Variants in FGD4 observed in about 807,000 individuals in gnomAD.
FGD4 encodes the protein FYVE, RhoGEF and PH domain containing 4.
A neutral mutation model predicts 102.0 loss-of-function variants in FGD4; 42 were observed. That is an observed-to-expected ratio of 0.41 (90% CI 0.32 to 0.53). The LOEUF (loss-of-function observed/expected upper bound fraction) is 0.53. Among genes scored for constraint, FGD4 ranks in the 20% least tolerant of loss-of-function variants. The pLI is 0.21. For synonymous variants in FGD4, 380 were observed against 375.7 expected, an observed-to-expected ratio of 1.01 and a Z score of -0.13; for missense variants, 902 against 1,078.2, an observed-to-expected ratio of 0.84 and a Z score of 2.29.
At chr12:32,597,316 G>A (rs1180733621) in intron 4 of FGD4, among the ~76,000 whole-genome samples, 1 of 152,306 alleles carries the variant, frequency 6.6e-6, no homozygotes, top group South Asian at 2.1e-4. Flanking sequence ...AGAGCTTAAA[G>A]GATGAATGCT....
chr12:32,461,422 C>T (rs999657347), intron 1 of FGD4, among the ~76,000 whole-genome samples: 2 of 152,160 alleles, frequency 1.3e-5, no homozygotes, highest in African/African-American at 2.4e-5. Context: ...TACCACAATG[C>T]TTAAGAGGCT....
At chr12:32,548,269 G>T (rs1325566431) in intron 1 of FGD4, among the ~76,000 whole-genome samples, 1 of 152,148 alleles carries the variant, frequency 6.6e-6, no homozygotes, top group Non-Finnish European at 1.5e-5. Context: ...TCAATGTGAA[G>T]TCAAGTTTCT....
intron 1 of FGD4, among the ~76,000 whole-genome samples, chr12:32,470,968 T>C (rs574627458): frequency 6.6e-6 from 1 of 152,348 alleles, no homozygotes; most frequent in Admixed American, 6.5e-5. Flanking sequence ...TTTGTTGTTT[T>C]CTGTTGAAAA....
chr12:32,490,958 T>C (rs187180117), intron 1 of FGD4, among the ~76,000 whole-genome samples: 57 of 152,228 alleles, frequency 3.7e-4, no homozygotes, highest in African/African-American at 1.3e-3. Flanking sequence ...CAGTATCCGA[T>C]ATGTTTTGTA....
rs976503650 is a variant in FGD4, at chr12:32,644,375, TAAAA to T, written c.*3845_*3848del. 1.3e-5 allele frequency: 2 copies of T among 152,264 alleles called. No individual in the cohort carries two copies. Among genetic ancestry groups the T allele is most frequent in the African/African-American group, 4.8e-5 (2 of 41,564 alleles). The allele number at this position is 152,264 out of a possible 1,614,324, so 9.4% of individuals were successfully genotyped here. A position where few individuals can be genotyped will look rare whatever the true frequency, so the allele number is the denominator to read the frequency against. The stretch of plus-strand genomic sequence containing the variant: ...ATACATAAAGACCACTAGGTCAACT[TAAAA>T]AACCCTTTCTGTGAATTTATACATG... On this transcript the variant is annotated 3_prime_UTR_variant, in exon 17 of 17. Transcript: ENST00000534526.
chr12:32,437,709 A>G (rs750895493), intron 1 of FGD4, among the ~76,000 whole-genome samples: 14 of 150,068 alleles, frequency 9.3e-5, no homozygotes, highest in African/African-American at 1.5e-4. Context: ...TTTCATTTTT[A>G]GTAAAAGCAA....
intron 1 of FGD4, among the ~76,000 whole-genome samples, chr12:32,431,132 A>G (rs1288313803): frequency 6.6e-6 from 1 of 152,228 alleles, no homozygotes; most frequent in Non-Finnish European, 1.5e-5. Flanking sequence ...AAAGGAATAG[A>G]AAATTAAAAA....
chr12:32,434,974 C>CT (rs996777673), intron 1 of FGD4, among the ~76,000 whole-genome samples: 23 of 147,088 alleles, frequency 1.6e-4, no homozygotes, highest in African/African-American at 2.5e-4. Flanking sequence ...TCTTTTCTTT[C>CT]TTTTTTTTGC....
In FGD4 at chr12:32,474,060, C is replaced by T. The variant is rs147911515; in HGVS notation, c.166+74101C>T. ...CTGAGAGCGCGCCACTGCACTCCAG[C>T]CTGGGTGACAGTGCGAGACTCTGTC... On this transcript the variant is annotated intron_variant, in intron 1 of 16. Coordinates refer to ENST00000534526, the MANE Select transcript of FGD4 (RefSeq NM_001370298.3). Among the ~76,000 whole-genome samples the T allele has an allele frequency of 2.5e-3, 375 of 151,952 alleles. 2 individuals are homozygous for T. Among genetic ancestry groups the T allele is most frequent in the African/African-American group, 8.6e-3 (355 of 41,428 alleles).
intron 1 of FGD4, among the ~76,000 whole-genome samples, chr12:32,411,252 G>A (rs1457417121): frequency 6.6e-6 from 1 of 151,812 alleles, no homozygotes; most frequent in African/African-American, 2.4e-5. Context: ...TTTAAAACAT[G>A]TGGGTGGGAC....
At chr12:32,552,944 ATT>A (rs71068326) in intron 1 of FGD4, among the ~76,000 whole-genome samples, 12,502 of 123,662 alleles carry the variant, frequency 0.1, 500 homozygotes, top group Middle Eastern at 0.18. Context: ...CGCCTGGCTA[ATT>A]TTTTTTTTTT....
rs1591959921 is a variant in FGD4, at chr12:32,468,758, G to A, written c.166+68799G>A. Among the ~76,000 whole-genome samples, 5 of 152,254 alleles carry A rather than the reference G, an allele frequency of 3.3e-5. No homozygotes were observed. The South Asian group carries it at 8.3e-4, about 25-fold the overall frequency. On this transcript the variant is annotated intron_variant, in intron 1 of 16. Coordinates refer to ENST00000534526, the MANE Select transcript of FGD4 (RefSeq NM_001370298.3). Reference sequence around the variant, plus strand: ...CCCTGTCAAAGGAAGAAAAGATATTGTAACCATGTATTTTGTAGAAAGTGA... The same window carrying A: ...CCCTGTCAAAGGAAGAAAAGATATTATAACCATGTATTTTGTAGAAAGTGA...
At chr12:32,529,856 ATT>A (rs1316785555) in intron 1 of FGD4, among the ~76,000 whole-genome samples, 2 of 142,034 alleles carry the variant, frequency 1.4e-5, no homozygotes, top group Non-Finnish European at 3.1e-5. Flanking sequence ...AAAAAAAAAA[ATT>A]TAAAAAAAAA....
intron 1 of FGD4, among the ~76,000 whole-genome samples, chr12:32,531,205 T>C (rs1252992178): frequency 6.6e-6 from 1 of 151,990 alleles, no homozygotes; most frequent in Non-Finnish European, 1.5e-5. Context: ...CGCCTCGGCC[T>C]CCCAAAGTGC....
intron 1 of FGD4, among the ~76,000 whole-genome samples, chr12:32,454,374 G>A (rs907066112): frequency 6.6e-6 from 1 of 152,190 alleles, no homozygotes; most frequent in African/African-American, 2.4e-5. Flanking sequence ...GAAATGAGCA[G>A]CATCCTCTCT....
chr12:32,498,207 G>T (rs1268651637), intron 1 of FGD4, among the ~76,000 whole-genome samples: 1 of 152,220 alleles, frequency 6.6e-6, no homozygotes, highest in Admixed American at 6.5e-5. Flanking sequence ...CCAACTCACA[G>T]GGGTGCTGTC....
intron 1 of FGD4, among the ~76,000 whole-genome samples, chr12:32,475,043 C>T (rs1252066108): frequency 1.3e-5 from 2 of 152,204 alleles, no homozygotes; most frequent in African/African-American, 4.8e-5. Flanking sequence ...GACTGGGAGG[C>T]ACATGACCTT....
At chr12:32,610,935 T>C (rs1949097338) in intron 9 of FGD4, 101 bp downstream of exon 9, 1 of 1,358,000 alleles carries the variant, frequency 7.4e-7, no homozygotes, top group Non-Finnish European at 1.0e-6. Context: ...TTGAAATAGA[T>C]GAGCCAAAAA....
At chr12:32,593,550 A>G (rs1459912744) in intron 4 of FGD4, among the ~76,000 whole-genome samples, 1 of 152,232 alleles carries the variant, frequency 6.6e-6, no homozygotes, top group African/African-American at 2.4e-5. Flanking sequence ...TCTGACCAGG[A>G]TATCCACAAT....
Sources: allele counts gnomAD v4.1 joint callset (sites outside exome capture counted in the v4.1 genomes callset), GRCh38; gene constraint gnomAD v4.1.1; transcripts MANE v1.5; gene names NCBI Gene and HGNC (gene_info 2026-07-23, HGNC 2026-07-21).